The following IPO8 variants were observed in gnomAD, a reference collection of about 807,000 sequenced individuals.
IPO8 encodes the protein importin-8.
IPO8 carries 65 observed loss-of-function variants against 141.2 expected under a neutral mutation model. The ratio of observed to expected loss-of-function variants is 0.46; its 90% CI spans 0.38 to 0.57. The LOEUF (loss-of-function observed/expected upper bound fraction) is 0.57. Among genes scored for constraint, IPO8 ranks in the 20% least tolerant of loss-of-function variants. IPO8 has a pLI of 0.00. For missense variants in IPO8, 980 were observed against 1,246.8 expected, an observed-to-expected ratio of 0.79 and a Z score of 3.22; for synonymous variants, 411 against 420.3, an observed-to-expected ratio of 0.98 and a Z score of 0.27.
At chr12:30,646,020 A>G (rs966079555) in intron 20 of IPO8, among the ~76,000 whole-genome samples, 1 of 152,208 alleles carries the variant, frequency 6.6e-6, no homozygotes. Flanking sequence ...TGAGTCCAAC[A>G]ATACTCTGAT....
intron 5 of IPO8, among the ~76,000 whole-genome samples, chr12:30,677,491 C>CT (rs936860309): frequency 4.0e-5 from 6 of 149,134 alleles, no homozygotes; most frequent in Non-Finnish European, 7.5e-5. Flanking sequence ...ACTCCTTCTA[C>CT]TTTTTTTTTT....
In IPO8 at chr12:30,642,144, C is replaced by T. The variant is rs1004187286; in HGVS notation, c.2269-2409G>A. On this transcript the variant is annotated intron_variant, in intron 20 of 24. Transcript: ENST00000256079. Reference sequence around the variant, plus strand: ...CCAGGAGATGGAGGTTGCAGTGAGCCGAGATCAAGCCATTTGCACTCCACT... The same window carrying T: ...CCAGGAGATGGAGGTTGCAGTGAGCTGAGATCAAGCCATTTGCACTCCACT... Among the ~76,000 whole-genome samples, 3 of 151,704 alleles carry T rather than the reference C, an allele frequency of 2.0e-5. 1 individual carries two copies. Among genetic ancestry groups the T allele is most frequent in the African/African-American group, 4.8e-5 (2 of 41,252 alleles).
intron 21 of IPO8, among the ~76,000 whole-genome samples, chr12:30,638,238 C>A (rs2052529062): frequency 6.6e-6 from 1 of 152,232 alleles, no homozygotes; most frequent in Non-Finnish European, 1.5e-5. Context: ...ATTACCAAAT[C>A]TCTACTCCCT....
Position 30,652,231 on chromosome 12 carries a change from A to G in IPO8, c.2133T>C (p.Asn711=). Residue 711 remains asparagine (N), a synonymous_variant, in exon 19 of 25, where the codon AAT becomes AAC. Transcript: ENST00000256079. ...VTIDTDTLLS[N]AKHLEILFTM... Reference sequence around the variant, plus strand: ...TAAAAAGAATTTCTAAATGTTTTGCATTTGATAGTAAGGTATCTGTATCTA... The same window carrying G: ...TAAAAAGAATTTCTAAATGTTTTGCGTTTGATAGTAAGGTATCTGTATCTA... The G allele has an allele frequency of 6.2e-7, 1 of 1,602,876 alleles. No individual in the cohort carries two copies. The highest frequency in any genetic ancestry group is 1.7e-4 in the Middle Eastern group (1 of 6,004).
intron 13 of IPO8, among the ~76,000 whole-genome samples, chr12:30,664,242 G>T (rs888966009): frequency 3.9e-5 from 6 of 152,104 alleles, no homozygotes. Flanking sequence ...ACTTCTCAAA[G>T]GTAGGAGCCC....
chr12:30,680,355 A>G, intron 5 of IPO8, 127 bp downstream of exon 5: 1 of 677,598 alleles, frequency 1.5e-6, no homozygotes, highest in Admixed American at 3.5e-5. Context: ...CCTCATAAGC[A>G]TTTTTTAAAG....
chr12:30,637,281 C>T, intron 21 of IPO8, 94 bp from the exon 22 acceptor site: 1 of 885,954 alleles, frequency 1.1e-6, no homozygotes, highest in Non-Finnish European at 1.8e-6. Flanking sequence ...CCAAGGCATA[C>T]TCTAAGGTTC....
intron 20 of IPO8, among the ~76,000 whole-genome samples, chr12:30,647,486 G>A (rs141805619): frequency 2.0e-5 from 3 of 151,100 alleles, no homozygotes; most frequent in East Asian, 2.0e-4. Flanking sequence ...GTAGTAGCAC[G>A]TGCCTGCAGT....
intron 15 of IPO8, 132 bp from the exon 16 acceptor site, chr12:30,661,398 G>T: frequency 1.6e-6 from 1 of 627,568 alleles, no homozygotes; most frequent in Non-Finnish European, 2.5e-6. Context: ...GCACTTTGCT[G>T]ACTGAATCAT....
chr12:30,631,778 AGGG>A (rs2052436122), intron 24 of IPO8, 114 bp downstream of exon 24: 5 of 654,586 alleles, frequency 7.6e-6, no homozygotes, highest in Non-Finnish European at 1.4e-5. Flanking sequence ...ATTATCTTAA[AGGG>A]TAAGTCTCTA....
Position 30,629,678 on chromosome 12 carries a change from ACT to A in IPO8, c.*1180_*1181del, listed in dbSNP as rs1425654929. 6.6e-6 allele frequency: 1 copy of A among 152,158 alleles called. No homozygotes were observed. The highest frequency in any genetic ancestry group is 1.5e-5 in the Non-Finnish European group (1 of 68,034). 9.4% of individuals were successfully genotyped at this position (152,158 alleles called of 1,614,324 possible). A position where few individuals can be genotyped will look rare whatever the true frequency, so the allele number is the denominator to read the frequency against. ...TGGTCTTGAACTAGGTCAGAAAAAC[ACT>A]GTAATCTCCATATGCAATATTTCCT... On this transcript the variant is annotated 3_prime_UTR_variant, in exon 25 of 25. Coordinates refer to ENST00000256079, the MANE Select transcript of IPO8 (RefSeq NM_006390.4).
chr12:30,648,182 CCAA>C (rs1403015941), intron 20 of IPO8, among the ~76,000 whole-genome samples: 1 of 152,128 alleles, frequency 6.6e-6, no homozygotes, highest in African/African-American at 2.4e-5. Context: ...ACCCAAATGA[CCAA>C]CAACTGATGA....
chr12:30,643,196 C>A (rs1359032898), intron 20 of IPO8, among the ~76,000 whole-genome samples: 2 of 151,958 alleles, frequency 1.3e-5, no homozygotes, highest in Non-Finnish European at 2.9e-5. Flanking sequence ...CATGAGAGAC[C>A]ACCAGACATA....
intron 20 of IPO8, among the ~76,000 whole-genome samples, chr12:30,646,450 G>T (rs1475787057): frequency 6.6e-6 from 1 of 152,164 alleles, no homozygotes; most frequent in Non-Finnish European, 1.5e-5. Context: ...AAGATGAGAT[G>T]TCTCTTTTCA....
chr12:30,653,080 T>G lies in IPO8; in HGVS notation c.1961A>C (p.Glu654Ala), dbSNP rs575501563. Residue 654 changes from glutamate to alanine, a missense_variant, in exon 18 of 25, where the codon GAA becomes GCA. Physicochemically the swap from Glu to Ala is moderately radical, Grantham distance 107. Coordinates refer to ENST00000256079, the MANE Select transcript of IPO8 (RefSeq NM_006390.4). ...LQKHVIEFYE[E>A]ILSLAYSLTC... ...TAAACTGTATGCCAGGGAAAGAATTTCTTCATAGAATTCTAGAAGAAAGAA... is the reference window on the plus strand; with the variant it reads ...TAAACTGTATGCCAGGGAAAGAATTGCTTCATAGAATTCTAGAAGAAAGAA... 8 of 1,607,216 alleles carry G rather than the reference T, an allele frequency of 5.0e-6. No individual in the cohort carries two copies. In the African/African-American group the frequency reaches 1.1e-4, roughly 22 times the overall value.
At chr12:30,643,800 A>G (rs2052605116) in intron 20 of IPO8, among the ~76,000 whole-genome samples, 1 of 152,236 alleles carries the variant, frequency 6.6e-6, no homozygotes, top group Non-Finnish European at 1.5e-5. Flanking sequence ...CACAGGCCAT[A>G]GCTTGCCAGC....
chr12:30,685,090 C>A (rs545253977), intron 2 of IPO8, among the ~76,000 whole-genome samples: 9 of 152,004 alleles, frequency 5.9e-5, no homozygotes, highest in African/African-American at 2.2e-4. Context: ...CTGAAAGAAA[C>A]AGGCTGACAT....
Position 30,656,761 on chromosome 12 carries a change from A to T in IPO8, c.1882-11T>A. 7.5e-7 allele frequency: 1 copy of T among 1,335,736 alleles called. No homozygotes were observed. The highest frequency in any genetic ancestry group is 1.5e-5 in the African/African-American group (1 of 67,422). 82.7% of individuals were successfully genotyped at this position (1,335,736 alleles called of 1,614,324 possible). On this transcript the variant is annotated splice_polypyrimidine_tract_variant and intron_variant, in intron 16 of 24. Coordinates refer to ENST00000256079, the MANE Select transcript of IPO8 (RefSeq NM_006390.4). ...TAACTGCTGGGTAATCTAAAGATAA[A>T]TGTTAAATATTAAGCTTAAAATTAT...
At chr12:30,633,259 C>T (rs1364189538) in intron 23 of IPO8, among the ~76,000 whole-genome samples, 1 of 152,084 alleles carries the variant, frequency 6.6e-6, no homozygotes, top group Non-Finnish European at 1.5e-5. Context: ...AAAACATTTA[C>T]ATGTAAGGAT....
Sources: allele counts gnomAD v4.1 joint callset (sites outside exome capture counted in the v4.1 genomes callset), GRCh38; gene constraint gnomAD v4.1.1; transcripts MANE v1.5; gene names NCBI Gene and HGNC (gene_info 2026-07-23, HGNC 2026-07-21).